Variants in TENM4 observed in about 807,000 individuals in gnomAD.
The protein encoded by TENM4 is teneurin transmembrane protein 4.
Under a neutral mutation model 243.3 loss-of-function variants are expected in TENM4, and 82 were observed. The ratio of observed to expected loss-of-function variants is 0.34; its 90% CI spans 0.28 to 0.40. The LOEUF (loss-of-function observed/expected upper bound fraction) is 0.40, where lower values mean the gene tolerates loss of function less well. TENM4 is among the 10% of genes least tolerant of loss of function. The pLI, the probability that TENM4 is intolerant of heterozygous loss-of-function variation, is 1.00. For synonymous variants in TENM4, 1,412 were observed against 1,456.3 expected (o/e 0.97, Z 0.69); for missense variants, 3,138 against 3,673.3 (o/e 0.85, Z 3.77).
intron 6 of TENM4, among the ~76,000 whole-genome samples, chr11:78,909,966 G>A (rs745763353): frequency 6.6e-6 from 1 of 152,152 alleles, no homozygotes; most frequent in African/African-American, 2.4e-5. Context: ...GAACCAGGCC[G>A]GGACAGGCTA....
At chr11:79,420,108 G>T (rs1218496414) in intron 1 of TENM4, among the ~76,000 whole-genome samples, 1 of 152,122 alleles carries the variant, frequency 6.6e-6, no homozygotes, top group African/African-American at 2.4e-5. Flanking sequence ...GCTTATCTTT[G>T]TCTTTTAGCT....
chr11:79,225,003 A>G (rs1031707097), intron 2 of TENM4, among the ~76,000 whole-genome samples: 1 of 152,110 alleles, frequency 6.6e-6, no homozygotes, highest in Non-Finnish European at 1.5e-5. Flanking sequence ...ATATACACAC[A>G]GGGAAGATGC....
intron 6 of TENM4, among the ~76,000 whole-genome samples, chr11:78,997,793 G>A (rs745631096): frequency 2.6e-5 from 4 of 152,180 alleles, no homozygotes; most frequent in Non-Finnish European, 5.9e-5. Flanking sequence ...ACATGTTGAA[G>A]CCCTACCCAT....
rs200826728 is a variant in TENM4, at chr11:78,976,303, CA to C, written c.494-72781del. Among the ~76,000 whole-genome samples the C allele has an allele frequency of 1.8e-4, 28 of 151,734 alleles. 1 individual carries two copies. In the East Asian group the frequency reaches 5.0e-3, roughly 27 times the overall value. On this transcript the variant is annotated intron_variant, in intron 6 of 33. Coordinates refer to ENST00000278550, the MANE Select transcript of TENM4 (RefSeq NM_001098816.3). ...GGATTCGTGTAACCAATGAACCAGG[CA>C]AAAAACCAACCAGTGGGGAAGAAAA...
At chr11:78,907,253 T>TG (rs1346527409) in intron 6 of TENM4, among the ~76,000 whole-genome samples, 5 of 151,536 alleles carry the variant, frequency 3.3e-5, no homozygotes, top group Non-Finnish European at 5.9e-5. Flanking sequence ...CCTTTTTTTT[T>TG]TTTTTTTTTG....
intron 2 of TENM4, among the ~76,000 whole-genome samples, chr11:79,224,873 C>T (rs939141477): frequency 1.3e-5 from 2 of 151,944 alleles, no homozygotes; most frequent in African/African-American, 4.8e-5. Context: ...ATCACTTGAA[C>T]CTAGAAGGCA....
intron 15 of TENM4, among the ~76,000 whole-genome samples, chr11:78,788,509 A>G (rs1856985228): frequency 1.3e-5 from 2 of 152,224 alleles, no homozygotes; most frequent in South Asian, 2.1e-4. Context: ...TCACTGAGCT[A>G]CGGTTCCTGT....
intron 4 of TENM4, 28 bp downstream of exon 4, chr11:79,148,682 C>G: frequency 3.8e-6 from 3 of 781,550 alleles, no homozygotes; most frequent in Non-Finnish European, 4.7e-6. Context: ...CATGAATACT[C>G]TCTGAAGTGT....
intron 17 of TENM4, among the ~76,000 whole-genome samples, chr11:78,778,176 A>G (rs1856773791): frequency 6.6e-6 from 1 of 152,142 alleles, no homozygotes; most frequent in Non-Finnish European, 1.5e-5. Flanking sequence ...AGTAGTCCTT[A>G]AAATTTCTTA....
intron 2 of TENM4, among the ~76,000 whole-genome samples, chr11:79,283,213 AAC>A (rs33993080): frequency 0.19 from 25,579 of 135,692 alleles, 2,630 homozygotes; most frequent in African/African-American, 0.33. Flanking sequence ...CACACACACA[AAC>A]ACACACACAC....
chr11:79,116,911 G>T (rs1861633725), intron 4 of TENM4, among the ~76,000 whole-genome samples: 1 of 152,150 alleles, frequency 6.6e-6, no homozygotes, highest in Non-Finnish European at 1.5e-5. Flanking sequence ...TGCTTAGCAT[G>T]GATCCTGCAC....
intron 18 of TENM4, among the ~76,000 whole-genome samples, chr11:78,757,576 G>A (rs766746144): frequency 3.9e-5 from 6 of 152,234 alleles, no homozygotes; most frequent in Admixed American, 3.3e-4. Flanking sequence ...AGAGGGCATC[G>A]CTGAGGTTGC....
At chr11:79,043,320 T>C (rs948242878) in intron 6 of TENM4, among the ~76,000 whole-genome samples, 1 of 152,200 alleles carries the variant, frequency 6.6e-6, no homozygotes, top group Non-Finnish European at 1.5e-5. Flanking sequence ...CTGCTTCTGG[T>C]GCATGGAAGG....
chr11:79,227,402 G>A (rs371714254), intron 2 of TENM4, among the ~76,000 whole-genome samples: 1 of 152,194 alleles, frequency 6.6e-6, no homozygotes, highest in Non-Finnish European at 1.5e-5. Context: ...GTCGAGAGGG[G>A]TTTCTTTTTT....
chr11:78,881,733 G>A (rs80186096), intron 9 of TENM4, among the ~76,000 whole-genome samples: 3,124 of 152,300 alleles, frequency 0.021, 116 homozygotes, highest in African/African-American at 0.072. Flanking sequence ...ATCATGGGGA[G>A]GCTCTGCAAA....
chr11:79,310,661 CCTGTT>C (rs143560069), intron 1 of TENM4, among the ~76,000 whole-genome samples: 1,901 of 152,328 alleles, frequency 0.012, 42 homozygotes, highest in African/African-American at 0.041. Flanking sequence ...TTTCATCCTG[CCTGTT>C]CTAGACCATG....
At chr11:78,940,029 A>G (rs1024650341) in intron 6 of TENM4, among the ~76,000 whole-genome samples, 2 of 152,166 alleles carry the variant, frequency 1.3e-5, no homozygotes, top group African/African-American at 4.8e-5. Flanking sequence ...TATAAAAGAA[A>G]AAAGTACAAA....
At chr11:79,175,727 T>C (rs996332284) in intron 3 of TENM4, among the ~76,000 whole-genome samples, 4 of 152,178 alleles carry the variant, frequency 2.6e-5, no homozygotes, top group African/African-American at 7.2e-5. Context: ...CTCATATCTA[T>C]AGTTTCTAAA....
At chr11:79,237,883 C>G (rs1217844737) in intron 2 of TENM4, among the ~76,000 whole-genome samples, 2 of 152,112 alleles carry the variant, frequency 1.3e-5, no homozygotes, top group Non-Finnish European at 2.9e-5. Context: ...TCAAAGTTCT[C>G]TAACCATACA....
Sources: allele counts gnomAD v4.1 joint callset (sites outside exome capture counted in the v4.1 genomes callset), GRCh38; gene constraint gnomAD v4.1.1; transcripts MANE v1.5; gene names NCBI Gene and HGNC (gene_info 2026-07-23, HGNC 2026-07-21).